Variants in LAT observed in about 807,000 individuals in gnomAD.
The protein encoded by LAT is linker for activation of T-cells family member 1.
Under a neutral mutation model 39.1 loss-of-function variants are expected in LAT, and 12 were observed. That is an observed-to-expected ratio of 0.31 (90% CI 0.20 to 0.50). LAT has a LOEUF of 0.50. LAT is among the 20% of genes least tolerant of loss of function. The probability of loss-of-function intolerance (pLI) is 0.98; values close to 1 mark genes in which losing one functional copy is unlikely to be tolerated. For missense variants in LAT, 253 were observed against 308.0 expected (o/e 0.82, Z 1.34); for synonymous variants, 117 against 123.8 (o/e 0.95, Z 0.36).
rs371533207 is a variant in LAT, at chr16:28,986,740, G to A, written c.398+26G>A. On this transcript the variant is annotated intron_variant, in intron 7 of 11. Transcript: ENST00000395456. This position sits in a 1 kb window ranked among gnomAD's most constrained non-coding sequence, Gnocchi z 5.7. ...GTGAGTGGCCAGGTGGGAGGTGGGA[G>A]GTGAGGGCTGAGGCTGTGCGTCCCC... 1.2e-5 allele frequency: 20 copies of A among 1,610,354 alleles called. No individual in the cohort carries two copies. Among genetic ancestry groups the A allele is most frequent in the Non-Finnish European group, 3.4e-6 (4 of 1,177,600 alleles).
In LAT at chr16:28,990,334, T is replaced by C. The variant is rs1331980013; in HGVS notation, c.*153T>C. On this transcript the variant is annotated 3_prime_UTR_variant, in exon 12 of 12. Coordinates refer to ENST00000395456, the MANE Select transcript of LAT (RefSeq NM_001014987.2). ...AAATCCCCCCGTAACTTATTATCAC[T>C]TTGGGGTTCGGCCTGTGTCCCCCGA... is the stretch of plus-strand genomic sequence containing the variant. 5 of 566,574 alleles carry C rather than the reference T, an allele frequency of 8.8e-6. No homozygotes were observed. Among genetic ancestry groups the C allele is most frequent in the South Asian group, 7.9e-5 (5 of 63,360 alleles). The allele number at this position is 566,574 out of a possible 1,614,324, so 35.1% of individuals were successfully genotyped here. A position where few individuals can be genotyped will look rare whatever the true frequency, so the allele number is the denominator to read the frequency against.
chr16:28,985,388 G>A lies in LAT; in HGVS notation c.-30G>A. On this transcript the variant is annotated 5_prime_UTR_variant, in exon 1 of 12. Transcript: ENST00000395456. The surrounding 1 kb of genome is among the most constrained non-coding windows in gnomAD (Gnocchi z 4.6). ...CTCTGCCCTTGAGGGGCCTAGGGGT[G>A]CAGCCAGCCTGCTCCGAGCTCCCCT... 6.2e-7 allele frequency: 1 copy of A among 1,612,296 alleles called. No homozygotes were observed. The highest frequency in any genetic ancestry group is 8.5e-7 in the Non-Finnish European group (1 of 1,179,668).
chr16:28,989,760 A>T lies in LAT; in HGVS notation c.557-14A>T. ...CTTTGCGTGGCTGCCCCTCCTTCTG[A>T]TCTGTCCCCACAGATGGCAGCCGGG... On this transcript the variant is annotated splice_polypyrimidine_tract_variant and intron_variant, in intron 9 of 11. Coordinates refer to ENST00000395456, the MANE Select transcript of LAT (RefSeq NM_001014987.2). 6.2e-7 allele frequency: 1 copy of T among 1,613,760 alleles called. No individual in the cohort carries two copies. Among genetic ancestry groups the T allele is most frequent in the Non-Finnish European group, 8.5e-7 (1 of 1,179,946 alleles).
Position 28,985,505 on chromosome 16 carries a change from C to T in LAT, c.88C>T (p.His30Tyr). ...GTTGATGGCACTGTGTGTGCACTGC[C>T]ACAGACTGCCAGGTGAGTGGGAAAC... ...AMLMALCVHC[H>Y]RLPGSYDSTS... is the part of the protein sequence containing the mutation. The change falls in exon 1 of 12, where the codon CAC becomes TAC. Residue 30 changes from histidine (H) to tyrosine (Y), a missense_variant. Physicochemically the swap from His to Tyr is moderately conservative, Grantham distance 83. Coordinates refer to ENST00000395456, the MANE Select transcript of LAT (RefSeq NM_001014987.2). The surrounding 1 kb of genome is among the most constrained non-coding windows in gnomAD (Gnocchi z 4.6). 2 of 1,613,574 alleles carry T rather than the reference C, an allele frequency of 1.2e-6. No individual in the cohort carries two copies. Among genetic ancestry groups the T allele is most frequent in the Non-Finnish European group, 1.7e-6 (2 of 1,179,778 alleles).
chr16:28,990,395 CT>C lies in LAT; in HGVS notation c.*215del. 2.3e-6 allele frequency: 1 copy of C among 430,646 alleles called. No individual in the cohort carries two copies. The highest frequency in any genetic ancestry group is 1.8e-5 in the South Asian group (1 of 54,062). 26.7% of individuals were successfully genotyped at this position (430,646 alleles called of 1,614,324 possible). A position where few individuals can be genotyped will look rare whatever the true frequency, so the allele number is the denominator to read the frequency against. ...CCTTCTGACGCAGCCTGAGAATGACCTGCCCTGGCCCCAGCCCTACTCTGTG... is the reference window on the plus strand; with the variant it reads ...CCTTCTGACGCAGCCTGAGAATGACCGCCCTGGCCCCAGCCCTACTCTGTG... On this transcript the variant is annotated 3_prime_UTR_variant, in exon 12 of 12. Transcript: ENST00000395456.
Position 28,986,015 on chromosome 16 carries a change from G to A in LAT, c.164-120G>A. The A allele has an allele frequency of 7.1e-7, 1 of 1,405,870 alleles. No homozygotes were observed. The allele number at this position is 1,405,870 out of a possible 1,614,324, so 87.1% of individuals were successfully genotyped here. ...CCCACATGGCCTTGACCTGAGCTGG[G>A]AGAGGGGAGATGGCTCCCCCAGGCC... On this transcript the variant is annotated intron_variant, in intron 3 of 11. Transcript: ENST00000395456. The surrounding 1 kb of genome is among the most constrained non-coding windows in gnomAD (Gnocchi z 5.7).
intron 8 of LAT, chr16:28,987,513 T>G (rs553020688): frequency 6.5e-6 from 1 of 152,742 alleles, no homozygotes; most frequent in Non-Finnish European, 1.5e-5. Context: ...CCCTTCCTCA[T>G]GGTCTCATCC....
chr16:28,986,011 C>T lies in LAT; in HGVS notation c.163+123C>T, dbSNP rs1173905460. On this transcript the variant is annotated intron_variant, in intron 3 of 11. Coordinates refer to ENST00000395456, the MANE Select transcript of LAT (RefSeq NM_001014987.2). This position sits in a 1 kb window ranked among gnomAD's most constrained non-coding sequence, Gnocchi z 5.7. ...GCTGCCCACATGGCCTTGACCTGAG[C>T]TGGGAGAGGGGAGATGGCTCCCCCA... 3 of 1,418,868 alleles carry T rather than the reference C, an allele frequency of 2.1e-6. No homozygotes were observed. The highest frequency in any genetic ancestry group is 2.3e-5 in the East Asian group (1 of 43,652). 87.9% of individuals were successfully genotyped at this position (1,418,868 alleles called of 1,614,324 possible). A position where few individuals can be genotyped will look rare whatever the true frequency, so the allele number is the denominator to read the frequency against.
At position 28,985,377 on chromosome 16, in the gene LAT, G is replaced by T. The variant is rs763746133; in HGVS notation, c.-41G>T. 1.6e-5 allele frequency: 25 copies of T among 1,611,382 alleles called. No homozygotes were observed. The highest frequency in any genetic ancestry group is 6.7e-5 in the Admixed American group (4 of 59,930). ...TCTGGCCTTGACTCTGCCCTTGAGGGGCCTAGGGGTGCAGCCAGCCTGCTC... is the reference window on the plus strand; with the variant it reads ...TCTGGCCTTGACTCTGCCCTTGAGGTGCCTAGGGGTGCAGCCAGCCTGCTC... On this transcript the variant is annotated 5_prime_UTR_variant, in exon 1 of 12. Transcript: ENST00000395456. The surrounding 1 kb of genome is among the most constrained non-coding windows in gnomAD (Gnocchi z 4.6).
chr16:28,989,488 TCTGGTCACAGTGCCGAGGTGGGC>T lies in LAT; in HGVS notation c.494-34_494-12del. 6.4e-7 allele frequency: 1 copy of T among 1,553,500 alleles called. No individual in the cohort carries two copies. Among genetic ancestry groups the T allele is most frequent in the Non-Finnish European group, 8.8e-7 (1 of 1,141,982 alleles). ...CTCTGGGAACCTGTGGCCAAGGGTC[TCTGGTCACAGTGCCGAGGTGGGC>T]CTGGCTTTTCCACAGTGGAGTCCAT... On this transcript the variant is annotated splice_polypyrimidine_tract_variant and intron_variant, in intron 8 of 11. Transcript: ENST00000395456.
chr16:28,989,672 G>A, intron 9 of LAT, 83 bp downstream of exon 9: 3 of 1,585,752 alleles, frequency 1.9e-6, no homozygotes, highest in Non-Finnish European at 2.6e-6. Context: ...CCCACCCTGG[G>A]GCTACCCACA....
Position 28,986,041 on chromosome 16 carries a change from T to TGTCCAG in LAT, c.164-92_164-87dup. On this transcript the variant is annotated intron_variant, in intron 3 of 11. Transcript: ENST00000395456. This position sits in a 1 kb window ranked among gnomAD's most constrained non-coding sequence, Gnocchi z 5.7. ...AGAGGGGAGATGGCTCCCCCAGGCC[T>TGTCCAG]GTCCAGGGTGTGGGGCTTTCAGGGG... is the stretch of plus-strand genomic sequence containing the variant. The TGTCCAG allele has an allele frequency of 7.3e-7, 1 of 1,373,314 alleles. No homozygotes were observed. The highest frequency in any genetic ancestry group is 1.0e-6 in the Non-Finnish European group (1 of 968,932). 85.1% of individuals were successfully genotyped at this position (1,373,314 alleles called of 1,614,324 possible).
chr16:28,989,944 T>A lies in LAT; in HGVS notation c.634T>A (p.Ser212Thr), dbSNP rs372606392. Reference sequence around the variant, plus strand: ...CCCCTCCCTTACAGCCGCCCTGAGTTCCCAGGAGGCAGAGGAAGTGGAGGA... The same window carrying A: ...CCCCTCCCTTACAGCCGCCCTGAGTACCCAGGAGGCAGAGGAAGTGGAGGA... ...AAKTEPAALS[S>T]QEAEEVEEEG... The change falls in exon 11 of 12, where the codon TCC becomes ACC. Residue 212 changes from serine (S) to threonine (T), a missense_variant. Physicochemically the swap from Ser to Thr is moderately conservative, Grantham distance 58. Transcript: ENST00000395456. The A allele has an allele frequency of 8.1e-6, 13 of 1,613,872 alleles. No individual in the cohort carries two copies. The highest frequency in any genetic ancestry group is 3.4e-6 in the Non-Finnish European group (4 of 1,179,960).
Position 28,989,935 on chromosome 16 carries a change from G to T in LAT, c.625G>T (p.Ala209Ser). ...GACCAACCTCCCCTCCCTTACAGCCGCCCTGAGTTCCCAGGAGGCAGAGGA... is the reference window on the plus strand; with the variant it reads ...GACCAACCTCCCCTCCCTTACAGCCTCCCTGAGTTCCCAGGAGGCAGAGGA... Reference protein sequence around the residue: ...HPGAAKTEPAALSSQEAEEVE... With the variant: ...HPGAAKTEPASLSSQEAEEVE... The change falls in exon 11 of 12, where the codon GCC becomes TCC. Residue 209 changes from alanine to serine, a missense_variant and splice_region_variant. Transcript: ENST00000395456. The T allele has an allele frequency of 6.2e-7, 1 of 1,613,856 alleles. No individual in the cohort carries two copies. Among genetic ancestry groups the T allele is most frequent in the Non-Finnish European group, 8.5e-7 (1 of 1,179,918 alleles).
intron 8 of LAT, 25 bp from the exon 9 acceptor site, chr16:28,989,502 C>G: frequency 6.3e-7 from 1 of 1,586,854 alleles, no homozygotes; most frequent in Non-Finnish European, 8.6e-7. Context: ...GTCACAGTGC[C>G]GAGGTGGGCC....
At position 28,990,160 on chromosome 16, in the gene LAT, G is replaced by A. The variant is rs1190335279; in HGVS notation, c.*8-29G>A. On this transcript the variant is annotated intron_variant, in intron 11 of 11. Transcript: ENST00000395456. ...CTGAACCCCGTCAGCCTCCTGATCCGTATCCCTCCCTGCCCTGGTGTGTTT... is the reference window on the plus strand; with the variant it reads ...CTGAACCCCGTCAGCCTCCTGATCCATATCCCTCCCTGCCCTGGTGTGTTT... 6.7e-5 allele frequency: 50 copies of A among 741,806 alleles called. No homozygotes were observed. In the Middle Eastern group the frequency reaches 6.8e-4, roughly 10 times the overall value. The allele number at this position is 741,806 out of a possible 1,614,324, so 46.0% of individuals were successfully genotyped here.
chr16:28,989,819 G>C lies in LAT; in HGVS notation c.602G>C (p.Gly201Ala). 1 of 1,614,184 alleles carries C rather than the reference G, an allele frequency of 6.2e-7. No homozygotes were observed. Among genetic ancestry groups the C allele is most frequent in the Non-Finnish European group, 8.5e-7 (1 of 1,180,036 alleles). The part of the protein sequence containing the change: ...YVNVSQELHP[G>A]AAKTEPAALS... The stretch of plus-strand genomic sequence containing the variant: ...AATGTGTCCCAGGAACTGCATCCTG[G>C]AGCGGCTAAGACTGAGCCTGGTGTG... The change falls in exon 10 of 12, where the codon GGA (glycine) becomes GCA (alanine). Residue 201 changes from glycine (G) to alanine (A), a missense_variant. By Grantham distance (60) the Gly-to-Ala change is moderately conservative (BLOSUM62 0). Transcript: ENST00000395456.
Position 28,986,875 on chromosome 16 carries a change from C to T in LAT, c.475C>T (p.Arg159Ter), listed in dbSNP as rs1965773773. The change falls in exon 8 of 12, where the codon CGA becomes TGA. Residue 159 changes from arginine (R) to a stop codon, truncating the protein, a stop_gained. Coordinates refer to ENST00000395456, the MANE Select transcript of LAT (RefSeq NM_001014987.2). LOFTEE classifies it high-confidence loss of function. The surrounding 1 kb of genome is among the most constrained non-coding windows in gnomAD (Gnocchi z 5.7). ...TCCTGCACTCAGCACCCCTGGCATC[C>T]GAGACAGTGCCTTCTCCAGTGAGTC... is the stretch of plus-strand genomic sequence containing the variant. ...SAPALSTPGI[R>*]DSAFSMESID... is the part of the protein sequence containing the mutation. 2.5e-6 allele frequency: 4 copies of T among 1,613,858 alleles called. No individual in the cohort carries two copies. Among genetic ancestry groups the T allele is most frequent in the Non-Finnish European group, 1.7e-6 (2 of 1,179,934 alleles).
chr16:28,986,239 C>A lies in LAT; in HGVS notation c.245+23C>A. The A allele has an allele frequency of 1.3e-6, 2 of 1,572,266 alleles. No individual in the cohort carries two copies. Among genetic ancestry groups the A allele is most frequent in the South Asian group, 1.2e-5 (1 of 86,412 alleles). ...CCCGTGAGTAGCTGCTCAGCCCCTG[C>A]CCCTCCAAAGCTCAGCCCCTCCCCC... On this transcript the variant is annotated intron_variant, in intron 4 of 11. Transcript: ENST00000395456. The surrounding 1 kb of genome is among the most constrained non-coding windows in gnomAD (Gnocchi z 5.7).
Sources: allele counts gnomAD v4.1 joint callset, GRCh38; gene constraint gnomAD v4.1.1; non-coding constraint Gnocchi (gnomAD v3.1); transcripts MANE v1.5; gene names NCBI Gene and HGNC (gene_info 2026-07-23, HGNC 2026-07-21).